GALNT17: variants seen among roughly 807,000 people sequenced by gnomAD.
The protein encoded by GALNT17 is polypeptide N-acetylgalactosaminyltransferase 17, also known as UDP-GalNAc:polypeptide N-acetylgalactosaminyltransferase-like 3.
Under a neutral mutation model 63.7 loss-of-function variants are expected in GALNT17, and 29 were observed. The observed-to-expected ratio is 0.46, with a 90% CI of 0.34 to 0.62. The LOEUF is 0.62. Among genes scored for constraint, GALNT17 ranks in the 20% least tolerant of loss-of-function variants. GALNT17 has a pLI of 0.01. For missense variants in GALNT17, 603 were observed against 799.6 expected (o/e 0.75, Z 2.97); for synonymous variants, 305 against 318.3 (o/e 0.96, Z 0.45).
At chr7:71,254,078 C>T (rs907722593) in intron 1 of GALNT17, among the ~76,000 whole-genome samples, 38 of 152,150 alleles carry the variant, frequency 2.5e-4, no homozygotes, top group African/African-American at 8.9e-4. Context: ...GGAAGGTGTG[C>T]ATTGGCACTG....
rs145523208 is a variant in GALNT17 at position 71,658,037 on chromosome 7, T to A, written c.1081-7374T>A. On this transcript the variant is annotated intron_variant, in intron 6 of 10. Coordinates refer to ENST00000333538, the MANE Select transcript of GALNT17 (RefSeq NM_022479.3). The stretch of plus-strand genomic sequence containing the variant: ...CTCCTGTCTCAGCCTCCTGAGTAGA[T>A]GAGACCACCGCCATGTGCCACCACA... Among the ~76,000 whole-genome samples the A allele has an allele frequency of 4.3e-4, 65 of 152,124 alleles. 2 individuals carry two copies. Among genetic ancestry groups the A allele is most frequent in the Middle Eastern group, 6.8e-3 (2 of 294 alleles).
At chr7:71,465,000 A>G (rs987427693) in intron 5 of GALNT17, among the ~76,000 whole-genome samples, 1 of 152,184 alleles carries the variant, frequency 6.6e-6, no homozygotes. Flanking sequence ...CTAAAGAACC[A>G]TCTTAATACG....
intron 9 of GALNT17, among the ~76,000 whole-genome samples, chr7:71,683,803 T>C (rs1791306127): frequency 6.6e-6 from 1 of 150,664 alleles, no homozygotes; most frequent in African/African-American, 2.4e-5. Context: ...CAGTCAGGAG[T>C]TTGAGACCAG....
At chr7:71,525,736 C>CTTT (rs71089950) in intron 5 of GALNT17, among the ~76,000 whole-genome samples, 56 of 75,030 alleles carry the variant, frequency 7.5e-4, no homozygotes, top group East Asian at 1.1e-3. Flanking sequence ...TATGTCTTTT[C>CTTT]TTTTTTTTTT....
intron 1 of GALNT17, among the ~76,000 whole-genome samples, chr7:71,172,154 G>A (rs1261594557): frequency 6.6e-6 from 1 of 152,088 alleles, no homozygotes; most frequent in East Asian, 1.9e-4. Context: ...GAGAAGTTAA[G>A]GTGTGTGTGT....
intron 6 of GALNT17, among the ~76,000 whole-genome samples, chr7:71,608,654 T>C (rs6979843): frequency 0.25 from 37,676 of 151,914 alleles, 4,912 homozygotes; most frequent in Non-Finnish European, 0.28. Flanking sequence ...TGAGGAGTAG[T>C]CAGGTACCAG....
intron 5 of GALNT17, among the ~76,000 whole-genome samples, chr7:71,505,412 A>G (rs1270224499): frequency 1.3e-5 from 2 of 152,148 alleles, no homozygotes; most frequent in Non-Finnish European, 2.9e-5. Context: ...CAGCCTGAGC[A>G]ACATAGTGAG....
chr7:71,706,525 C>T (rs1000374578), intron 9 of GALNT17, among the ~76,000 whole-genome samples: 3 of 152,090 alleles, frequency 2.0e-5, no homozygotes, highest in Admixed American at 1.3e-4. Flanking sequence ...TTTCCCTGAA[C>T]ATAAAGGCAG....
intron 1 of GALNT17, among the ~76,000 whole-genome samples, chr7:71,303,658 A>G (rs533631908): frequency 6.6e-6 from 1 of 152,238 alleles, no homozygotes; most frequent in South Asian, 2.1e-4. Context: ...GTTGCTTGGA[A>G]GTGATTTACG....
intron 6 of GALNT17, among the ~76,000 whole-genome samples, chr7:71,625,613 G>A (rs1409076535): frequency 6.6e-6 from 1 of 152,054 alleles, no homozygotes; most frequent in Non-Finnish European, 1.5e-5. Context: ...ACTGGCCCTC[G>A]GGAACCCTGG....
intron 5 of GALNT17, among the ~76,000 whole-genome samples, chr7:71,432,105 G>A (rs375114325): frequency 3.6e-4 from 54 of 152,086 alleles, no homozygotes; most frequent in East Asian, 1.2e-3. Context: ...AACATGGGAC[G>A]CGGAGGTTGC....
chr7:71,504,426 A>G (rs532446155), intron 5 of GALNT17, among the ~76,000 whole-genome samples: 1 of 152,226 alleles, frequency 6.6e-6, no homozygotes, highest in Non-Finnish European at 1.5e-5. Flanking sequence ...TAAGTGAACT[A>G]AAAGAGGGTG....
chr7:71,377,796 C>T (rs1489085453), intron 2 of GALNT17, among the ~76,000 whole-genome samples: 1 of 152,098 alleles, frequency 6.6e-6, no homozygotes, highest in Admixed American at 6.5e-5. Flanking sequence ...GTTCTCAGAT[C>T]TGATGGTTTT....
intron 2 of GALNT17, among the ~76,000 whole-genome samples, chr7:71,360,396 C>T (rs1792375267): frequency 6.6e-6 from 1 of 152,116 alleles, no homozygotes; most frequent in Non-Finnish European, 1.5e-5. Flanking sequence ...AAGCAAGAAA[C>T]CCAGAAGGAA....
intron 6 of GALNT17, among the ~76,000 whole-genome samples, chr7:71,638,516 G>C (rs990962932): frequency 2.6e-5 from 4 of 152,144 alleles, no homozygotes; most frequent in Non-Finnish European, 4.4e-5. Flanking sequence ...TCTGGAAGAG[G>C]GTCCCTGGGC....
At chr7:71,155,163 A>G (rs1376389166) in intron 1 of GALNT17, among the ~76,000 whole-genome samples, 4 of 151,898 alleles carry the variant, frequency 2.6e-5, no homozygotes, top group African/African-American at 7.3e-5. Flanking sequence ...GACGACGGTT[A>G]TCTGACATTG....
chr7:71,390,275 TGAG>T (rs1793026640), intron 3 of GALNT17, among the ~76,000 whole-genome samples: 1 of 152,118 alleles, frequency 6.6e-6, no homozygotes, highest in South Asian at 2.1e-4. Context: ...CGGATTATCT[TGAG>T]GAGCACAGGA....
intron 6 of GALNT17, among the ~76,000 whole-genome samples, chr7:71,632,854 A>G (rs1790471522): frequency 6.6e-6 from 1 of 152,154 alleles, no homozygotes; most frequent in Admixed American, 6.5e-5. Context: ...CTGTAATCCC[A>G]GCAATTTGGG....
chr7:71,683,243 T>C (rs1217514926), intron 9 of GALNT17, among the ~76,000 whole-genome samples: 1 of 152,158 alleles, frequency 6.6e-6, no homozygotes, highest in Non-Finnish European at 1.5e-5. Context: ...CCACGTGTCC[T>C]GAATTAGAGA....
Sources: gnomAD v4.1 joint callset for allele counts (sites outside exome capture counted in the v4.1 genomes callset) on GRCh38, gnomAD v4.1.1 for gene constraint, MANE v1.5 for transcripts, NCBI Gene and HGNC (gene_info 2026-07-23, HGNC 2026-07-21) for gene names.